The following THSD7A variants were observed in gnomAD, a reference collection of about 807,000 sequenced individuals.
The protein encoded by THSD7A is thrombospondin type-1 domain-containing protein 7A.
THSD7A carries 96 observed loss-of-function variants against 231.3 expected under a neutral mutation model. The ratio of observed to expected loss-of-function variants is 0.41; its 90% CI spans 0.35 to 0.49. THSD7A has a LOEUF of 0.49. Ranked by LOEUF, THSD7A falls within the 20% of genes least tolerant of loss-of-function variation. The pLI, the probability that THSD7A is intolerant of heterozygous loss-of-function variation, is 0.05. For missense variants in THSD7A, 2,290 were observed against 2,070.2 expected (o/e 1.11, Z -2.06); for synonymous variants, 940 against 743.3 (o/e 1.26, Z -4.30).
chr7:11,776,408 T>C (rs1783406149), intron 1 of THSD7A, among the ~76,000 whole-genome samples: 1 of 152,188 alleles, frequency 6.6e-6, no homozygotes, highest in Admixed American at 6.5e-5. Flanking sequence ...TTATAATTTC[T>C]CAGAATTCTC....
chr7:11,704,693 G>C (rs1407945916), intron 1 of THSD7A, among the ~76,000 whole-genome samples: 1 of 150,904 alleles, frequency 6.6e-6, no homozygotes, highest in African/African-American at 2.4e-5. Context: ...TGGGGTCCAC[G>C]AATTCCATGT....
intron 4 of THSD7A, among the ~76,000 whole-genome samples, chr7:11,556,899 C>T (rs57079148): frequency 0.05 from 7,642 of 151,956 alleles, 234 homozygotes; most frequent in South Asian, 0.078. Flanking sequence ...TTTTATCTTT[C>T]GTTTTCAGAT....
At chr7:11,567,997 T>C (rs1790438635) in intron 4 of THSD7A, among the ~76,000 whole-genome samples, 1 of 152,232 alleles carries the variant, frequency 6.6e-6, no homozygotes, top group Non-Finnish European at 1.5e-5. Flanking sequence ...CTCAGCACTA[T>C]GCTTTTTACA....
rs1248261116 is a variant in THSD7A at position 11,543,064 on chromosome 7, G to C, written c.1507C>G (p.Gln503Glu). The stretch of plus-strand genomic sequence containing the variant: ...GTTGGACAAGGAATGTGGCACAGCT[G>C]TGTAGTATTAGGGATAGGTCCAGTG... ...LCTGPIPNTTQLCHIPCPTEC... is the reference protein window; with the variant it reads ...LCTGPIPNTTELCHIPCPTEC... The change falls in exon 5 of 28, where the codon CAG becomes GAG. Residue 503 changes from glutamine (Q) to glutamate (E), a missense_variant. Physicochemically the swap from Gln to Glu is conservative, Grantham distance 29. Transcript: ENST00000423059. 2 of 1,613,848 alleles carry C rather than the reference G, an allele frequency of 1.2e-6. No homozygotes were observed. Among genetic ancestry groups the C allele is most frequent in the South Asian group, 2.2e-5 (2 of 91,080 alleles).
intron 17 of THSD7A, among the ~76,000 whole-genome samples, chr7:11,415,187 A>G (rs1708310271): frequency 6.6e-6 from 1 of 152,232 alleles, no homozygotes; most frequent in South Asian, 2.1e-4. Flanking sequence ...AAGTTTTTAA[A>G]AAAATCTCAG....
chr7:11,596,965 G>A (rs1780384654), intron 2 of THSD7A, among the ~76,000 whole-genome samples: 1 of 152,164 alleles, frequency 6.6e-6, no homozygotes, highest in East Asian at 1.9e-4. Flanking sequence ...CTACCTCAGG[G>A]GTATATCAAC....
chr7:11,456,732 T>C (rs1173134117), intron 11 of THSD7A, among the ~76,000 whole-genome samples: 3 of 151,986 alleles, frequency 2.0e-5, no homozygotes, highest in Non-Finnish European at 2.9e-5. Context: ...AAAGCAGCCA[T>C]AGGCAATATG....
chr7:11,655,138 T>A (rs967252358), intron 1 of THSD7A, among the ~76,000 whole-genome samples: 1 of 151,886 alleles, frequency 6.6e-6, no homozygotes, highest in Non-Finnish European at 1.5e-5. Context: ...ATAATTCAGA[T>A]GAATAGCTCA....
intron 1 of THSD7A, among the ~76,000 whole-genome samples, chr7:11,726,865 A>G (rs767803748): frequency 1.3e-5 from 2 of 151,944 alleles, no homozygotes; most frequent in Non-Finnish European, 2.9e-5. Flanking sequence ...CATGTTTTCT[A>G]GATTACCCTT....
At chr7:11,540,974 G>C (rs958423886) in intron 6 of THSD7A, among the ~76,000 whole-genome samples, 2 of 152,038 alleles carry the variant, frequency 1.3e-5, no homozygotes, top group African/African-American at 2.4e-5. Context: ...ACTAAGACAC[G>C]ATATCAGGGA....
intron 1 of THSD7A, among the ~76,000 whole-genome samples, chr7:11,714,878 A>G (rs1227404767): frequency 6.6e-6 from 1 of 151,408 alleles, no homozygotes; most frequent in Non-Finnish European, 1.5e-5. Context: ...CAGTGTGGCC[A>G]TTGGAAAAGG....
At chr7:11,417,685 C>G in intron 16 of THSD7A, 82 bp from the exon 17 acceptor site, 1 of 1,413,020 alleles carries the variant, frequency 7.1e-7, no homozygotes, top group Non-Finnish European at 9.5e-7. Context: ...AATGACCAAC[C>G]CACAGGACAG....
chr7:11,564,281 G>C (rs985130244), intron 4 of THSD7A, among the ~76,000 whole-genome samples: 124 of 151,730 alleles, frequency 8.2e-4, no homozygotes, highest in African/African-American at 2.9e-3. Context: ...CTGGTGAGGA[G>C]GGAGTTATCA....
Position 11,590,575 on chromosome 7 carries a change from C to T in THSD7A, c.1338G>A (p.Lys446=), listed in dbSNP as rs1780119716. ...RVDPLLSQQD[K]RRGNQTALCG... ...AGAGGGCCGTCTGGTTGCCGCGCCT[C>T]TTGTCCTGCTGACTGAGCAAAGGGT... The change falls in exon 4 of 28, where the codon AAG becomes AAA. Residue 446 remains lysine (K), a synonymous_variant. Coordinates refer to ENST00000423059, the MANE Select transcript of THSD7A (RefSeq NM_015204.3). The surrounding 1 kb of genome is among the most constrained non-coding windows in gnomAD (Gnocchi z 4.4). 1 of 1,613,878 alleles carries T rather than the reference C, an allele frequency of 6.2e-7. No individual in the cohort carries two copies. Among genetic ancestry groups the T allele is most frequent in the Admixed American group, 1.7e-5 (1 of 60,014 alleles).
chr7:11,820,398 C>G (rs1160663073), intron 1 of THSD7A: 2 of 1,318,492 alleles, frequency 1.5e-6, no homozygotes, highest in Non-Finnish European at 2.0e-6. Flanking sequence ...CCCATTCCTC[C>G]CCACTGAACT....
intron 1 of THSD7A, among the ~76,000 whole-genome samples, chr7:11,706,630 C>CTTTTTTTTTTTTTATTTTTTTTTTTT (rs1780777053): frequency 1.5e-5 from 1 of 66,420 alleles, no homozygotes; most frequent in African/African-American, 6.2e-5. Flanking sequence ...TAACAAGGTG[C>CTTTTTTTTTTTTTATTTTTTTTTTTT]TTTTTTTTTT....
Position 11,783,904 on chromosome 7 carries a change from T to A in THSD7A, c.190+47853A>T, listed in dbSNP as rs553526361. 2.0e-5 allele frequency among the ~76,000 whole-genome samples: 3 copies of A among 152,230 alleles called. No homozygotes were observed. The East Asian group carries it at 5.8e-4, about 29-fold the overall frequency. ...TTTACAAGAAGACAAATGAAATTAA[T>A]AATACAAAAGAAAATCCCCTTTTGT... On this transcript the variant is annotated intron_variant, in intron 1 of 27. Coordinates refer to ENST00000423059, the MANE Select transcript of THSD7A (RefSeq NM_015204.3).
At chr7:11,524,087 G>T (rs889667423) in intron 6 of THSD7A, among the ~76,000 whole-genome samples, 9 of 152,078 alleles carry the variant, frequency 5.9e-5, no homozygotes, top group African/African-American at 2.2e-4. Flanking sequence ...TGTGGAAAAA[G>T]ATATATTGTC....
At chr7:11,567,809 C>T (rs1213213022) in intron 4 of THSD7A, among the ~76,000 whole-genome samples, 1 of 152,186 alleles carries the variant, frequency 6.6e-6, no homozygotes, top group Non-Finnish European at 1.5e-5. Context: ...TTGACCCTAG[C>T]TCACTCCACG....
Sources: gnomAD v4.1 joint callset for allele counts (sites outside exome capture counted in the v4.1 genomes callset) on GRCh38, gnomAD v4.1.1 for gene constraint, Gnocchi (gnomAD v3.1) non-coding constraint, MANE v1.5 for transcripts, NCBI Gene and HGNC (gene_info 2026-07-23, HGNC 2026-07-21) for gene names.